NCKAP5: variants seen among roughly 807,000 people sequenced by gnomAD.
The protein encoded by NCKAP5 is NCK associated protein 5, also known as nck-associated protein 5.
NCKAP5 carries 92 observed loss-of-function variants against 167.0 expected under a neutral mutation model. The observed-to-expected ratio is 0.55, with a 90% confidence interval of 0.47 to 0.66. The LOEUF (loss-of-function observed/expected upper bound fraction) is 0.66. Ranked by LOEUF, NCKAP5 falls within the 30% of genes least tolerant of loss-of-function variation. The pLI is 0.00. For synonymous variants in NCKAP5, 891 were observed against 877.4 expected, an observed-to-expected ratio of 1.02 and a Z score of -0.27; for missense variants, 2,378 against 2,315.0, an observed-to-expected ratio of 1.03 and a Z score of -0.56.
chr2:132,807,247 T>G (rs1482247109), intron 11 of NCKAP5, among the ~76,000 whole-genome samples: 2 of 152,180 alleles, frequency 1.3e-5, no homozygotes, highest in Non-Finnish European at 2.9e-5. Context: ...GTGGCTCTTT[T>G]ATGGTTCCAT....
At chr2:133,497,512 C>T (rs1323758344) in intron 3 of NCKAP5, among the ~76,000 whole-genome samples, 1 of 152,192 alleles carries the variant, frequency 6.6e-6, no homozygotes, top group Non-Finnish European at 1.5e-5. Context: ...CAGAGCATCC[C>T]ATTAGGAAGA....
the NCKAP5 span, among the ~76,000 whole-genome samples, chr2:133,602,737 A>G: frequency 2.0e-4 from 30 of 152,350 alleles, no homozygotes; most frequent in African/African-American, 7.2e-4. Flanking sequence ...GCCTTGGGCC[A>G]GCTTCAGCCT....
intron 16 of NCKAP5, among the ~76,000 whole-genome samples, chr2:132,740,586 T>G (rs1679097414): frequency 6.6e-6 from 1 of 152,300 alleles, no homozygotes; most frequent in Middle Eastern, 3.4e-3. Flanking sequence ...ATTGGGTAGC[T>G]TTTGGCTGTG....
intron 3 of NCKAP5, among the ~76,000 whole-genome samples, chr2:133,464,813 G>C (rs902777694): frequency 6.6e-6 from 1 of 152,116 alleles, no homozygotes; most frequent in Non-Finnish European, 1.5e-5. Context: ...CTTCAGCTTT[G>C]TCTGGACTGA....
rs762461666 is a variant in NCKAP5 at position 133,177,727 on chromosome 2, G to A, written c.207+35989C>T. Among the ~76,000 whole-genome samples the A allele has an allele frequency of 2.0e-5, 3 of 152,300 alleles. No homozygotes were observed. The South Asian group carries it at 6.2e-4, about 32-fold the overall frequency. On this transcript the variant is annotated intron_variant, in intron 5 of 19. Coordinates refer to ENST00000409261, the MANE Select transcript of NCKAP5 (RefSeq NM_207363.3). Reference sequence around the variant, plus strand: ...CACCCATGGGAGTGGTATCAGGGAAGGCCATGAAGGGAGCCAGGACTTCCA... The same window carrying A: ...CACCCATGGGAGTGGTATCAGGGAAAGCCATGAAGGGAGCCAGGACTTCCA...
At chr2:133,010,446 A>C (rs990726111) in intron 6 of NCKAP5, among the ~76,000 whole-genome samples, 1 of 152,162 alleles carries the variant, frequency 6.6e-6, no homozygotes, top group African/African-American at 2.4e-5. Flanking sequence ...TCTCAATATC[A>C]ACCAGGCCTC....
chr2:133,573,594 T>C, the NCKAP5 span, among the ~76,000 whole-genome samples: 3 of 152,326 alleles, frequency 2.0e-5, no homozygotes, highest in South Asian at 6.2e-4. Flanking sequence ...TGAGGGTTAA[T>C]GTACTAAGGC....
At chr2:133,254,388 T>C (rs1304996389) in intron 4 of NCKAP5, among the ~76,000 whole-genome samples, 2 of 152,040 alleles carry the variant, frequency 1.3e-5, no homozygotes, top group Non-Finnish European at 2.9e-5. Flanking sequence ...GCATCAGACA[T>C]GGGAGTGACC....
chr2:132,935,413 T>C (rs1381103158), intron 8 of NCKAP5, among the ~76,000 whole-genome samples: 1 of 152,146 alleles, frequency 6.6e-6, no homozygotes, highest in Non-Finnish European at 1.5e-5. Context: ...GCATCTTAAT[T>C]ATTATAACTG....
At chr2:132,949,113 A>G (rs983735994) in intron 8 of NCKAP5, among the ~76,000 whole-genome samples, 1 of 137,688 alleles carries the variant, frequency 7.3e-6, no homozygotes, top group African/African-American at 2.7e-5. Flanking sequence ...GATAAGAAGA[A>G]GCAAAGAAGC....
chr2:133,330,244 A>ATTTTT (rs765058418), intron 3 of NCKAP5, among the ~76,000 whole-genome samples: 123 of 88,114 alleles, frequency 1.4e-3, no homozygotes, highest in African/African-American at 1.7e-3. Context: ...TATTTTTTGT[A>ATTTTT]TTTTTTTTTT....
At chr2:132,757,862 T>A (rs1037858369) in intron 16 of NCKAP5, among the ~76,000 whole-genome samples, 1 of 152,188 alleles carries the variant, frequency 6.6e-6, no homozygotes, top group Non-Finnish European at 1.5e-5. Flanking sequence ...CTGCACAGAA[T>A]AGACTTGCTT....
intron 3 of NCKAP5, among the ~76,000 whole-genome samples, chr2:133,500,715 G>A (rs144360028): frequency 1.9e-3 from 295 of 152,186 alleles, no homozygotes; most frequent in Non-Finnish European, 3.2e-3. Flanking sequence ...CTCATTTTTA[G>A]ACAGCAGTAT....
At chr2:133,483,807 G>T (rs1215510777) in intron 3 of NCKAP5, among the ~76,000 whole-genome samples, 1 of 152,150 alleles carries the variant, frequency 6.6e-6, no homozygotes, top group Non-Finnish European at 1.5e-5. Flanking sequence ...AATGAAGATT[G>T]CATGGTCTCC....
intron 3 of NCKAP5, among the ~76,000 whole-genome samples, chr2:133,344,674 T>C (rs1278298886): frequency 2.0e-5 from 3 of 152,074 alleles, no homozygotes; most frequent in Admixed American, 6.5e-5. Flanking sequence ...GTAGACTTAC[T>C]TGAAGTCACC....
At position 133,352,117 on chromosome 2, in the gene NCKAP5, C is replaced by T. The variant is rs183677972; in HGVS notation, c.70-49007G>A. On this transcript the variant is annotated intron_variant, in intron 3 of 19. Transcript: ENST00000409261. ...TCGTCACCTCTCTCCTTCAGGTATTCCCTCAATGGAGACCCTGTCACCATC... is the reference window on the plus strand; with the variant it reads ...TCGTCACCTCTCTCCTTCAGGTATTTCCTCAATGGAGACCCTGTCACCATC... Among the ~76,000 whole-genome samples, 247 of 152,258 alleles carry T rather than the reference C, an allele frequency of 1.6e-3. 1 individual carries two copies. The highest frequency in any genetic ancestry group is 5.8e-3 in the African/African-American group (239 of 41,528).
At chr2:133,597,666 T>G in the NCKAP5 span, among the ~76,000 whole-genome samples, 1 of 82,012 alleles carries the variant, frequency 1.2e-5, no homozygotes, top group African/African-American at 6.1e-5. Flanking sequence ...AGAGCAAGAC[T>G]CTGTCTCAAA....
chr2:133,486,905 T>C (rs1211758553), intron 3 of NCKAP5, among the ~76,000 whole-genome samples: 2 of 152,150 alleles, frequency 1.3e-5, no homozygotes, highest in Non-Finnish European at 2.9e-5. Context: ...ATAAGAGCTG[T>C]CATTGGCTGG....
At chr2:133,123,687 T>C (rs890839456) in intron 6 of NCKAP5, 8 of 448,090 alleles carry the variant, frequency 1.8e-5, no homozygotes, top group Middle Eastern at 3.4e-4. Context: ...CAGGTCAAAG[T>C]TGACGAACAG....
Sources: gnomAD v4.1 joint callset for allele counts (sites outside exome capture counted in the v4.1 genomes callset) on GRCh38, gnomAD v4.1.1 for gene constraint, MANE v1.5 for transcripts, NCBI Gene and HGNC (gene_info 2026-07-23, HGNC 2026-07-21) for gene names.